The following POLA1 variants were observed in gnomAD, a reference collection of about 807,000 sequenced individuals.
POLA1 encodes DNA polymerase alpha catalytic subunit.
A neutral mutation model predicts 124.0 loss-of-function variants in POLA1; 15 were observed. The observed-to-expected ratio is 0.12, with a 90% CI of 0.08 to 0.19. POLA1 has a LOEUF of 0.19. Among genes scored for constraint, POLA1 ranks in the 10% least tolerant of loss-of-function variants. The pLI, the probability that POLA1 is intolerant of heterozygous loss-of-function variation, is 1.00. For synonymous variants in POLA1, 408 were observed against 389.4 expected (o/e 1.05, Z -0.56); for missense variants, 886 against 1,103.4 (o/e 0.80, Z 2.79).
intron 32 of POLA1, among the ~76,000 whole-genome samples, chrX:24,830,984 G>A (rs2046252569): frequency 1.8e-5 from 2 of 111,630 alleles, no homozygotes; most frequent in African/African-American, 3.3e-5. Flanking sequence ...AATTATTGAG[G>A]TTTGAAGAAC....
Position 24,814,989 on chromosome X carries a change from G to A in POLA1, c.3307G>A (p.Gly1103Ser). Residue 1103 changes from glycine to serine, a missense_variant, in exon 30 of 37, where the codon GGC (glycine) becomes AGC (serine). This residue lies in a region of POLA1 where 313 missense variants were observed against 359.7 expected (regional missense o/e 0.87). Transcript: ENST00000379068. Reference protein sequence around the residue: ...LAKDTGNFVIGQILSDQSRDT... With the variant: ...LAKDTGNFVISQILSDQSRDT... Reference sequence around the variant, plus strand: ...TTTTTTTTTTTGCAGCTTTGTGATTGGCCAGATTCTTTCTGATCAAAGCCG... The same window carrying A: ...TTTTTTTTTTTGCAGCTTTGTGATTAGCCAGATTCTTTCTGATCAAAGCCG... 1 of 751,733 alleles carries A rather than the reference G, an allele frequency of 1.3e-6. No individual in the cohort carries two copies. The highest frequency in any genetic ancestry group is 1.8e-6 in the Non-Finnish European group (1 of 566,058). The allele number at this position is 751,733 out of a possible 1,213,427, so 62.0% of individuals were successfully genotyped here. A position where few individuals can be genotyped will look rare whatever the true frequency, so the allele number is the denominator to read the frequency against.
chrX:24,835,559 A>AT (rs1188600213), intron 32 of POLA1, among the ~76,000 whole-genome samples: 37 of 101,305 alleles, frequency 3.7e-4, no homozygotes, highest in Middle Eastern at 4.8e-3. Context: ...GTTAATTTCT[A>AT]TTTTTTTTTT....
chrX:24,939,329 A>C (rs752452941), intron 36 of POLA1, among the ~76,000 whole-genome samples: 23 of 112,567 alleles, frequency 2.0e-4, no homozygotes, highest in Non-Finnish European at 4.3e-4. Context: ...TTAAGCCATA[A>C]TGTGAGCTAA....
chrX:24,791,126 C>G (rs1478783003), intron 26 of POLA1, among the ~76,000 whole-genome samples: 1 of 109,732 alleles, frequency 9.1e-6, no homozygotes, highest in African/African-American at 3.3e-5. Flanking sequence ...CTTTTGGAGC[C>G]TAAATGGTTC....
intron 26 of POLA1, among the ~76,000 whole-genome samples, chrX:24,752,358 G>A (rs760942521): frequency 2.1e-4 from 24 of 112,273 alleles, no homozygotes; most frequent in Non-Finnish European, 3.8e-4. Flanking sequence ...TAATGGGTAA[G>A]GAATTGTATG....
chrX:24,857,157 TC>T (rs1300062692), intron 34 of POLA1, among the ~76,000 whole-genome samples: 1 of 111,934 alleles, frequency 8.9e-6, no homozygotes, highest in Non-Finnish European at 1.9e-5. Flanking sequence ...GTCCAGTTGT[TC>T]CAACACCATT....
At position 24,703,292 on chromosome X, in the gene POLA1, A is replaced by G. The variant is rs758461458; in HGVS notation, c.210A>G (p.Glu70=). The change falls in exon 3 of 37, where the codon GAA becomes GAG. Residue 70 remains glutamate (E), a synonymous_variant. Transcript: ENST00000379068. ...FTGVYEEVDE[E]QYSKLVQARQ... is the part of the protein sequence containing the mutation. ...GTGTTTATGAAGAAGTTGATGAAGA[A>G]CAGTATTCGAAGCTGGTTCAGGCAC... is the stretch of plus-strand genomic sequence containing the variant. The G allele has an allele frequency of 4.1e-6, 5 of 1,207,744 alleles. No individual in the cohort carries two copies. Among genetic ancestry groups the G allele is most frequent in the East Asian group, 3.0e-5 (1 of 33,803 alleles).
chrX:24,747,104 T>C (rs1284012952), intron 24 of POLA1, among the ~76,000 whole-genome samples: 2 of 111,503 alleles, frequency 1.8e-5, no homozygotes, highest in Non-Finnish European at 3.8e-5. Flanking sequence ...TTAAGGGATA[T>C]GTATGTATTA....
Position 24,737,675 on chromosome X carries a change from T to C in POLA1, c.1974T>C (p.Asn658=), listed in dbSNP as rs751857536. 1.7e-6 allele frequency: 2 copies of C among 1,184,648 alleles called. No homozygotes were observed. The highest frequency in any genetic ancestry group is 3.0e-5 in the East Asian group (1 of 33,701). ...TGGAAGTACTACTGCAGAGAATTAATGTGTGCAAAGCTCCTCACTGGTCCA... is the reference window on the plus strand; with the variant it reads ...TGGAAGTACTACTGCAGAGAATTAACGTGTGCAAAGCTCCTCACTGGTCCA... ...FELEVLLQRI[N]VCKAPHWSKI... The change falls in exon 19 of 37, where the codon AAT becomes AAC. Residue 658 remains asparagine, a synonymous_variant. Coordinates refer to ENST00000379068, the MANE Select transcript of POLA1 (RefSeq NM_001330360.2).
chrX:24,888,091 C>T lies in POLA1; in HGVS notation c.4133C>T (p.Pro1378Leu). The T allele has an allele frequency of 8.4e-7, 1 of 1,194,565 alleles. No individual in the cohort carries two copies. The highest frequency in any genetic ancestry group is 1.1e-6 in the Non-Finnish European group (1 of 880,258). Residue 1378 changes from proline to leucine, a missense_variant, in exon 35 of 37, where the codon CCA becomes CTA. Around this residue, in one of 7 missense-constraint regions of POLA1, gnomAD observed 313 missense variants for 359.7 expected, o/e 0.87. Coordinates refer to ENST00000379068, the MANE Select transcript of POLA1 (RefSeq NM_001330360.2). ...TTCTCCCGAACTGGGCCTCTTTGCC[C>T]AGCCTGCATGAAAGCTACACTTCAA... ...LQFSRTGPLC[P>L]ACMKATLQPE...
chrX:24,725,737 T>A (rs2464709), intron 12 of POLA1, among the ~76,000 whole-genome samples: 14,696 of 111,624 alleles, frequency 0.13, 917 homozygotes, highest in Middle Eastern at 0.19. Flanking sequence ...AAATTTTAAA[T>A]TTTTATTGCC....
chrX:24,826,128 A>C (rs1251487001), intron 31 of POLA1, among the ~76,000 whole-genome samples: 3 of 112,353 alleles, frequency 2.7e-5, no homozygotes, highest in Non-Finnish European at 5.6e-5. Context: ...AGGTGAAATT[A>C]TTTAATCTGG....
intron 34 of POLA1, among the ~76,000 whole-genome samples, chrX:24,882,684 G>GGTGTGTGTGTGTGTGT (rs57530564): frequency 1.1e-5 from 1 of 87,610 alleles, no homozygotes; most frequent in Non-Finnish European, 2.2e-5. Context: ...TATATTCCAT[G>GGTGTGTGTGTGTGTGT]GTGTGTGTGT....
chrX:24,718,720 C>CAT (rs11573328), intron 10 of POLA1, among the ~76,000 whole-genome samples: 17,360 of 111,085 alleles, frequency 0.16, 3,030 homozygotes, highest in African/African-American at 0.51. Context: ...TGCACACACA[C>CAT]GTGGAGGGAT....
chrX:24,892,701 A>G (rs1439028446), intron 35 of POLA1, among the ~76,000 whole-genome samples: 3 of 112,242 alleles, frequency 2.7e-5, no homozygotes, highest in East Asian at 2.8e-4. Flanking sequence ...TAACGTATTC[A>G]TTCTTGATGT....
chrX:24,828,588 C>A (rs1419883173), intron 32 of POLA1, among the ~76,000 whole-genome samples: 1 of 111,905 alleles, frequency 8.9e-6, no homozygotes, highest in East Asian at 2.8e-4. Context: ...CTGAGTAAAA[C>A]CATTTTTTAA....
At chrX:24,985,407 A>G (rs1167028920) in intron 36 of POLA1, among the ~76,000 whole-genome samples, 1 of 113,100 alleles carries the variant, frequency 8.8e-6, no homozygotes, top group Non-Finnish European at 1.9e-5. Flanking sequence ...AAATCATGAA[A>G]CATAAAATAC....
chrX:24,728,039 A>G (rs759097728), intron 15 of POLA1, 103 bp downstream of exon 15: 5 of 595,493 alleles, frequency 8.4e-6, no homozygotes, highest in African/African-American at 2.3e-5. Flanking sequence ...TTGGAGGGGA[A>G]AGAATACTAA....
At chrX:24,920,035 C>T (rs991225750) in intron 35 of POLA1, among the ~76,000 whole-genome samples, 8 of 107,398 alleles carry the variant, frequency 7.4e-5, no homozygotes, top group South Asian at 4.2e-4. Context: ...TTAGTAGAGA[C>T]GGGGTTTTGC....
Sources: allele counts gnomAD v4.1 joint callset (sites outside exome capture counted in the v4.1 genomes callset), GRCh38; gene constraint gnomAD v4.1.1; regional missense constraint gnomAD v4.1.1; transcripts MANE v1.5; gene names NCBI Gene and HGNC (gene_info 2026-07-23, HGNC 2026-07-21).